SRBD1: variants seen among roughly 807,000 people sequenced by gnomAD.
SRBD1 encodes S1 RNA binding domain 1.
SRBD1 carries 88 observed loss-of-function variants against 115.3 expected under a neutral mutation model. The ratio of observed to expected loss-of-function variants is 0.76; its 90% CI spans 0.64 to 0.91. The LOEUF (loss-of-function observed/expected upper bound fraction) is 0.91, where lower values mean the gene tolerates loss of function less well. Among genes scored for constraint, SRBD1 ranks in the 40% least tolerant of loss-of-function variants. The pLI is 0.00. For missense variants in SRBD1, 1,385 were observed against 1,177.4 expected (o/e 1.18, Z -2.58); for synonymous variants, 509 against 407.7 (o/e 1.25, Z -2.99).
intron 4 of SRBD1, among the ~76,000 whole-genome samples, chr2:45,587,789 C>G (rs1409791368): frequency 6.6e-6 from 1 of 152,234 alleles, no homozygotes; most frequent in South Asian, 2.1e-4. Context: ...CTCTCTTTCA[C>G]ATGAGCTCTA....
At chr2:45,497,225 C>T (rs193106961) in intron 14 of SRBD1, among the ~76,000 whole-genome samples, 1 of 152,322 alleles carries the variant, frequency 6.6e-6, no homozygotes, top group African/African-American at 2.4e-5. Flanking sequence ...AATTTACTAA[C>T]ATGTGGTACA....
intron 19 of SRBD1, among the ~76,000 whole-genome samples, chr2:45,406,457 C>T (rs1558557091): frequency 6.6e-6 from 1 of 152,000 alleles, no homozygotes; most frequent in Non-Finnish European, 1.5e-5. Flanking sequence ...TACTCTAAAT[C>T]CCATGTTCCC....
At chr2:45,505,675 G>A (rs1185266472) in intron 14 of SRBD1, among the ~76,000 whole-genome samples, 2 of 152,166 alleles carry the variant, frequency 1.3e-5, no homozygotes, top group Non-Finnish European at 2.9e-5. Context: ...AGAGCTTCCT[G>A]AAAGTGTTTT....
chr2:45,460,679 A>G (rs1049339760), intron 16 of SRBD1, among the ~76,000 whole-genome samples: 3 of 151,488 alleles, frequency 2.0e-5, no homozygotes, highest in African/African-American at 7.2e-5. Context: ...CAACTTTATA[A>G]AAAGTAGCAA....
intron 16 of SRBD1, among the ~76,000 whole-genome samples, chr2:45,474,149 C>A (rs1317463039): frequency 1.3e-5 from 2 of 152,166 alleles, no homozygotes; most frequent in Admixed American, 6.5e-5. Flanking sequence ...TTTATAAATG[C>A]AATAATCTCT....
At chr2:45,393,907 G>A (rs1046611773) in intron 19 of SRBD1, among the ~76,000 whole-genome samples, 1 of 152,190 alleles carries the variant, frequency 6.6e-6, no homozygotes, top group East Asian at 1.9e-4. Context: ...TTTTACTTCT[G>A]TATACCCTTG....
intron 18 of SRBD1, 43 bp downstream of exon 18, chr2:45,418,322 A>G (rs112968116): frequency 1.9e-6 from 3 of 1,595,558 alleles, no homozygotes; most frequent in East Asian, 2.2e-5. Context: ...CAGTAACAAG[A>G]GAGGAGGTTG....
intron 16 of SRBD1, among the ~76,000 whole-genome samples, chr2:45,475,708 T>C (rs2103815943): frequency 6.6e-6 from 1 of 152,358 alleles, no homozygotes; most frequent in African/African-American, 2.4e-5. Context: ...GCTGTACTTT[T>C]TCTTTCTCGA....
chr2:45,454,424 G>A (rs1400969420), intron 16 of SRBD1, among the ~76,000 whole-genome samples: 1 of 151,806 alleles, frequency 6.6e-6, no homozygotes, highest in Non-Finnish European at 1.5e-5. Context: ...TGAAAGAACA[G>A]TGTGGAATAT....
intron 4 of SRBD1, among the ~76,000 whole-genome samples, chr2:45,594,435 C>T (rs1673829512): frequency 2.6e-5 from 4 of 152,150 alleles, no homozygotes; most frequent in Admixed American, 2.0e-4. Flanking sequence ...TTTAATTTTC[C>T]CAAAAATTGT....
chr2:45,431,930 G>C (rs1271930938), intron 16 of SRBD1, among the ~76,000 whole-genome samples: 1 of 152,108 alleles, frequency 6.6e-6, no homozygotes, highest in Non-Finnish European at 1.5e-5. Flanking sequence ...CTGCCGTCAG[G>C]TCAGCTGTAA....
chr2:45,551,377 G>A, intron 11 of SRBD1, 95 bp from the exon 12 acceptor site: 7 of 1,213,236 alleles, frequency 5.8e-6, no homozygotes, highest in Admixed American at 3.1e-5. Context: ...ATTTCTCAAA[G>A]GATAATTTAT....
chr2:45,464,121 G>T (rs1001788526), intron 16 of SRBD1, among the ~76,000 whole-genome samples: 1 of 150,966 alleles, frequency 6.6e-6, no homozygotes, highest in Non-Finnish European at 1.5e-5. Context: ...CTTGCAGAGG[G>T]GGTAAAGAAA....
chr2:45,410,937 T>G (rs1667584389), intron 19 of SRBD1, among the ~76,000 whole-genome samples: 1 of 152,216 alleles, frequency 6.6e-6, no homozygotes, highest in African/African-American at 2.4e-5. Flanking sequence ...TTCATCTGGC[T>G]GTTCATCTGT....
chr2:45,461,026 G>A (rs1469566785), intron 16 of SRBD1, among the ~76,000 whole-genome samples: 1 of 152,164 alleles, frequency 6.6e-6, no homozygotes, highest in Non-Finnish European at 1.5e-5. Context: ...AGTCTACCCT[G>A]TTTACAGAAA....
At chr2:45,588,865 T>C (rs1673630107) in intron 4 of SRBD1, among the ~76,000 whole-genome samples, 2 of 152,214 alleles carry the variant, frequency 1.3e-5, no homozygotes, top group African/African-American at 4.8e-5. Flanking sequence ...AATTTCCTGT[T>C]ACATAGGTCA....
intron 9 of SRBD1, among the ~76,000 whole-genome samples, chr2:45,567,279 A>AT (rs1672859256): frequency 6.6e-6 from 1 of 152,204 alleles, no homozygotes; most frequent in Non-Finnish European, 1.5e-5. Flanking sequence ...AGAAATTTCT[A>AT]AAGTAAACAT....
chr2:45,528,266 T>C (rs1319565337), intron 14 of SRBD1, among the ~76,000 whole-genome samples: 2 of 151,804 alleles, frequency 1.3e-5, no homozygotes, highest in African/African-American at 4.8e-5. Flanking sequence ...ATCAAGAGAC[T>C]ATACATGAAA....
chr2:45,479,676 C>T (rs1292632397), intron 15 of SRBD1, among the ~76,000 whole-genome samples: 1 of 152,180 alleles, frequency 6.6e-6, no homozygotes, highest in Non-Finnish European at 1.5e-5. Context: ...CAAGGTGAAA[C>T]AGCAATTGCT....
Sources: gnomAD v4.1 joint callset for allele counts (sites outside exome capture counted in the v4.1 genomes callset) on GRCh38, gnomAD v4.1.1 for gene constraint, MANE v1.5 for transcripts, NCBI Gene and HGNC (gene_info 2026-07-23, HGNC 2026-07-21) for gene names.